Variants in ALPL observed in about 807,000 individuals in gnomAD.
The protein encoded by ALPL is alkaline phosphatase, biomineralization associated, also known as alkaline phosphatase, tissue-nonspecific isozyme.
ALPL carries 42 observed loss-of-function variants against 51.3 expected under a neutral mutation model. That is an observed-to-expected ratio of 0.82 (90% CI 0.64 to 1.06). The LOEUF is 1.06. Ranked by LOEUF, ALPL falls within the 50% of genes least tolerant of loss-of-function variation. The probability of loss-of-function intolerance (pLI) is 0.00; values close to 1 mark genes in which losing one functional copy is unlikely to be tolerated. For synonymous variants in ALPL, 279 were observed against 296.4 expected (o/e 0.94, Z 0.60); for missense variants, 589 against 709.4 (o/e 0.83, Z 1.93).
intron 7 of ALPL, among the ~76,000 whole-genome samples, chr1:21,569,573 A>AG (rs1226875908): frequency 2.0e-5 from 2 of 97,730 alleles, no homozygotes; most frequent in Non-Finnish European, 3.9e-5. Flanking sequence ...AGGGGCTGGG[A>AG]GGGGGGGTGC....
In ALPL at chr1:21,560,671, C is replaced by T. The variant is rs199952414; in HGVS notation, c.107C>T (p.Thr36Ile). The T allele has an allele frequency of 6.2e-7, 1 of 1,614,142 alleles. No individual in the cohort carries two copies. The highest frequency in any genetic ancestry group is 2.2e-5 in the East Asian group (1 of 44,876). ...PKYWRDQAQE[T>I]LKYALELQKL... ...TACTGGCGAGACCAAGCGCAAGAGA[C>T]ACTGAAATATGCCCTGGAGCTTCAG... Residue 36 changes from threonine (T) to isoleucine (I), a missense_variant, in exon 3 of 12, where the codon ACA (threonine) becomes ATA (isoleucine). Thr to Ile is a moderately conservative substitution (Grantham distance 89). Coordinates refer to ENST00000374840, the MANE Select transcript of ALPL (RefSeq NM_000478.6).
intron 1 of ALPL, among the ~76,000 whole-genome samples, chr1:21,530,850 G>A (rs1644019147): frequency 6.8e-6 from 1 of 146,764 alleles, no homozygotes. Flanking sequence ...GCATGAACAT[G>A]GCTCACTGGA....
intron 1 of ALPL, among the ~76,000 whole-genome samples, chr1:21,533,947 GAAGA>G (rs1644065001): frequency 6.6e-6 from 1 of 150,600 alleles, no homozygotes; most frequent in Non-Finnish European, 1.5e-5. Context: ...AGAAGAAGAA[GAAGA>G]AGAAGAAGAA....
intron 1 of ALPL, among the ~76,000 whole-genome samples, chr1:21,515,609 G>C (rs367969748): frequency 6.6e-6 from 1 of 152,122 alleles, no homozygotes; most frequent in South Asian, 2.1e-4. Context: ...GGTTGATCTT[G>C]AACTCCTGAC....
intron 1 of ALPL, among the ~76,000 whole-genome samples, chr1:21,518,693 G>A (rs1643846413): frequency 6.6e-6 from 1 of 152,048 alleles, no homozygotes; most frequent in Non-Finnish European, 1.5e-5. Context: ...AATTGTAACT[G>A]TACCATCCCC....
chr1:21,533,013 C>T (rs1452907359), intron 1 of ALPL, among the ~76,000 whole-genome samples: 2 of 152,164 alleles, frequency 1.3e-5, no homozygotes, highest in Admixed American at 6.5e-5. Context: ...GTTGTGATAC[C>T]ATGGTGGGGA....
chr1:21,533,574 C>T (rs970045235), intron 1 of ALPL, among the ~76,000 whole-genome samples: 1 of 152,150 alleles, frequency 6.6e-6, no homozygotes, highest in Non-Finnish European at 1.5e-5. Context: ...GACTTAACCC[C>T]AGGTCCACTT....
intron 1 of ALPL, among the ~76,000 whole-genome samples, chr1:21,552,094 TTCCCTTCCCTTTCCTCCCCTTCCCTTTCC>T (rs1373354313): frequency 1.4e-5 from 1 of 69,584 alleles, no homozygotes; most frequent in African/African-American, 5.0e-5. Flanking sequence ...CTCCCTTCCC[TTCCCTTCCCTTTCCTCCCCTTCCCTTTCC>T]TCCCTCCCCT....
chr1:21,543,992 AGG>A (rs2148116721), intron 1 of ALPL, among the ~76,000 whole-genome samples: 1 of 152,300 alleles, frequency 6.6e-6, no homozygotes, highest in African/African-American at 2.4e-5. Flanking sequence ...AGCTTGGCAC[AGG>A]GGTGTCCCTG....
At chr1:21,514,537 T>G (rs1193420562) in intron 1 of ALPL, among the ~76,000 whole-genome samples, 1 of 152,100 alleles carries the variant, frequency 6.6e-6, no homozygotes, top group Admixed American at 6.5e-5. Flanking sequence ...GCAGCAAGCA[T>G]CTTAGAATCG....
Position 21,577,470 on chromosome 1 carries a change from C to T in ALPL, c.1397C>T (p.Pro466Leu). The change falls in exon 12 of 12, where the codon CCC (proline) becomes CTC (leucine). Residue 466 changes from proline (P) to leucine (L), a missense_variant. Physicochemically the swap from Pro to Leu is moderately conservative, Grantham distance 98. Transcript: ENST00000374840. Reference sequence around the variant, plus strand: ...GACGTGGCCGTCTTCTCCAAGGGCCCCATGGCGCACCTGCTGCACGGCGTC... The same window carrying T: ...GACGTGGCCGTCTTCTCCAAGGGCCTCATGGCGCACCTGCTGCACGGCGTC... ...GEDVAVFSKG[P>L]MAHLLHGVHE... 1.2e-6 allele frequency: 2 copies of T among 1,610,862 alleles called. No individual in the cohort carries two copies. Among genetic ancestry groups the T allele is most frequent in the South Asian group, 1.1e-5 (1 of 91,084 alleles).
At chr1:21,529,707 T>C (rs1180786189) in intron 1 of ALPL, among the ~76,000 whole-genome samples, 1 of 152,228 alleles carries the variant, frequency 6.6e-6, no homozygotes, top group Non-Finnish European at 1.5e-5. Context: ...CTTTCTGTTT[T>C]GCTAACATCT....
rs1050177439 is a variant in ALPL, at chr1:21,516,108, G to A, written c.-105+6591G>A. On this transcript the variant is annotated intron_variant, in intron 1 of 11. Coordinates refer to ENST00000374840, the MANE Select transcript of ALPL (RefSeq NM_000478.6). ...TTGCCCAGGCTGGTTTCGAACTCCT[G>A]GGCTCAAGTGATCCTCCCACCTCAT... Among the ~76,000 whole-genome samples the A allele has an allele frequency of 9.2e-5, 14 of 152,094 alleles. No individual in the cohort carries two copies. The East Asian group carries it at 2.7e-3, about 29-fold the overall frequency.
At chr1:21,519,480 A>T (rs1423183057) in intron 1 of ALPL, among the ~76,000 whole-genome samples, 1 of 152,234 alleles carries the variant, frequency 6.6e-6, no homozygotes, top group Non-Finnish European at 1.5e-5. Flanking sequence ...AGCAAAGGGC[A>T]TCTCTTTTTA....
intron 8 of ALPL, among the ~76,000 whole-genome samples, chr1:21,573,199 C>T (rs1222094150): frequency 3.9e-5 from 6 of 152,086 alleles, no homozygotes; most frequent in Non-Finnish European, 7.4e-5. Context: ...TTTGGGAGGC[C>T]GAGGTGGGCG....
intron 9 of ALPL, 71 bp downstream of exon 9, chr1:21,573,870 G>A (rs1196543754): frequency 4.4e-6 from 7 of 1,607,152 alleles, no homozygotes; most frequent in Non-Finnish European, 4.2e-6. Context: ...GAGAAGTCCA[G>A]CTCTTAAAGG....
chr1:21,518,586 C>CT (rs1234192202), intron 1 of ALPL, among the ~76,000 whole-genome samples: 4 of 151,922 alleles, frequency 2.6e-5, no homozygotes, highest in South Asian at 2.1e-4. Context: ...TGAGCTCTTT[C>CT]TTTTTTTTAT....
In ALPL at chr1:21,530,636, G is replaced by C. The variant is rs1266974848; in HGVS notation, c.-105+21119G>C. 2.0e-5 allele frequency among the ~76,000 whole-genome samples: 3 copies of C among 152,134 alleles called. No homozygotes were observed. The East Asian group carries it at 5.8e-4, about 29-fold the overall frequency. On this transcript the variant is annotated intron_variant, in intron 1 of 11. Transcript: ENST00000374840. ...CCCAGGGAGAAACAGTGAGGAGAAG[G>C]GGCTATATGCCTAGGTCAGAATTCT...
intron 1 of ALPL, among the ~76,000 whole-genome samples, chr1:21,519,929 G>C (rs1007340138): frequency 6.6e-6 from 1 of 152,104 alleles, no homozygotes; most frequent in African/African-American, 2.4e-5. Context: ...GGAACAAATT[G>C]CCTAGGGGAA....
Sources: gnomAD v4.1 joint callset for allele counts (sites outside exome capture counted in the v4.1 genomes callset) on GRCh38, gnomAD v4.1.1 for gene constraint, MANE v1.5 for transcripts, NCBI Gene and HGNC (gene_info 2026-07-23, HGNC 2026-07-21) for gene names.